The following PLCL1 variants were observed in gnomAD, a reference collection of about 807,000 sequenced individuals.
PLCL1 encodes the protein inactive phospholipase C-like protein 1.
A neutral mutation model predicts 84.4 loss-of-function variants in PLCL1; 41 were observed. The observed-to-expected ratio is 0.49, with a 90% CI of 0.38 to 0.63. The LOEUF (loss-of-function observed/expected upper bound fraction) is 0.63. Among genes scored for constraint, PLCL1 ranks in the 30% least tolerant of loss-of-function variants. The pLI is 0.00. For missense variants in PLCL1, 1,206 were observed against 1,367.8 expected, an observed-to-expected ratio of 0.88 and a Z score of 1.87; for synonymous variants, 490 against 488.3, an observed-to-expected ratio of 1.00 and a Z score of -0.05.
intron 5 of PLCL1, among the ~76,000 whole-genome samples, chr2:198,129,802 G>T (rs754872345): frequency 6.6e-6 from 1 of 151,776 alleles, no homozygotes; most frequent in South Asian, 2.1e-4. Context: ...TATACTTGCC[G>T]AATCCACTTC....
Position 198,099,217 on chromosome 2 carries a change from T to C in PLCL1, c.2920-2068T>C, listed in dbSNP as rs202009051. On this transcript the variant is annotated intron_variant, in intron 3 of 5. Coordinates refer to ENST00000428675, the MANE Select transcript of PLCL1 (RefSeq NM_006226.4). ...CCGGCTCAGGGATTATCTGAGGACA[T>C]CTTCTCACCTTCTCTGCTTGGCTTT... Among the ~76,000 whole-genome samples the C allele has an allele frequency of 2.6e-5, 4 of 152,178 alleles. No individual in the cohort carries two copies. In the East Asian group the frequency reaches 7.8e-4, roughly 30 times the overall value.
intron 1 of PLCL1, among the ~76,000 whole-genome samples, chr2:197,843,399 C>A (rs966840462): frequency 1.3e-5 from 2 of 152,196 alleles, no homozygotes; most frequent in Admixed American, 6.5e-5. Flanking sequence ...CACATATCTT[C>A]TCTTTATAGA....
chr2:198,017,849 T>C (rs1423653238), intron 1 of PLCL1, among the ~76,000 whole-genome samples: 1 of 152,212 alleles, frequency 6.6e-6, no homozygotes, highest in African/African-American at 2.4e-5. Flanking sequence ...TTTAAGTATA[T>C]ATTATATACT....
At chr2:198,066,480 C>T (rs1692322863) in intron 1 of PLCL1, among the ~76,000 whole-genome samples, 1 of 152,152 alleles carries the variant, frequency 6.6e-6, no homozygotes, top group African/African-American at 2.4e-5. Context: ...AATAAATCCA[C>T]TTTTCTCTTG....
intron 1 of PLCL1, among the ~76,000 whole-genome samples, chr2:198,001,609 A>G (rs1426154812): frequency 6.6e-6 from 1 of 152,096 alleles, no homozygotes; most frequent in Non-Finnish European, 1.5e-5. Context: ...TATGTTTGAG[A>G]GGTTGATCCA....
At chr2:197,981,638 G>T (rs1452682904) in intron 1 of PLCL1, among the ~76,000 whole-genome samples, 1 of 152,174 alleles carries the variant, frequency 6.6e-6, no homozygotes, top group African/African-American at 2.4e-5. Context: ...AGACTGTGAT[G>T]GCTAAAGGGA....
At chr2:197,951,551 G>T (rs1222143476) in intron 1 of PLCL1, among the ~76,000 whole-genome samples, 1 of 152,170 alleles carries the variant, frequency 6.6e-6, no homozygotes, top group Non-Finnish European at 1.5e-5. Flanking sequence ...GAGGAAGCCG[G>T]TCTGCAGTGA....
intron 5 of PLCL1, among the ~76,000 whole-genome samples, chr2:198,146,562 C>T (rs1694521228): frequency 6.6e-6 from 1 of 152,080 alleles, no homozygotes. Context: ...AATTGCATAG[C>T]CAGCTGGTCA....
chr2:197,903,442 T>G (rs6760891), intron 1 of PLCL1, among the ~76,000 whole-genome samples: 105,968 of 146,226 alleles, frequency 0.72, 39,526 homozygotes, highest in African/African-American at 0.9. Flanking sequence ...CAAAAATCTA[T>G]GTATCTTCCT....
At chr2:197,998,271 G>A (rs1346152199) in intron 1 of PLCL1, among the ~76,000 whole-genome samples, 4 of 149,778 alleles carry the variant, frequency 2.7e-5, no homozygotes, top group Non-Finnish European at 5.9e-5. Context: ...TGTGTTGAAC[G>A]ATACTGTGGA....
chr2:198,100,731 G>A (rs1301511522), intron 3 of PLCL1, among the ~76,000 whole-genome samples: 1 of 152,026 alleles, frequency 6.6e-6, no homozygotes, highest in African/African-American at 2.4e-5. Flanking sequence ...TAGCTGAGTG[G>A]GACTTCAAGC....
At chr2:197,886,913 T>G (rs2060488) in intron 1 of PLCL1, among the ~76,000 whole-genome samples, 110,830 of 152,132 alleles carry the variant, frequency 0.73, 41,465 homozygotes, top group African/African-American at 0.9. Context: ...CCTTAGGTTT[T>G]TATATTCTGT....
At chr2:198,067,509 C>CT (rs1006068930) in intron 1 of PLCL1, among the ~76,000 whole-genome samples, 21 of 151,920 alleles carry the variant, frequency 1.4e-4, no homozygotes, top group African/African-American at 4.8e-4. Context: ...AGTAACAGTT[C>CT]TTTTTTTTCA....
chr2:197,809,280 T>C (rs1263422371), intron 1 of PLCL1, among the ~76,000 whole-genome samples: 2 of 152,200 alleles, frequency 1.3e-5, no homozygotes, highest in African/African-American at 4.8e-5. Flanking sequence ...AGAGCTACTG[T>C]TAAAATGTGG....
intron 3 of PLCL1, among the ~76,000 whole-genome samples, chr2:198,089,879 A>G (rs141550958): frequency 5.6e-4 from 85 of 152,198 alleles, no homozygotes; most frequent in Non-Finnish European, 2.4e-4. Flanking sequence ...AAGAAAATAT[A>G]GTAAGATATT....
At chr2:198,045,345 T>C (rs1691762365) in intron 1 of PLCL1, among the ~76,000 whole-genome samples, 1 of 152,164 alleles carries the variant, frequency 6.6e-6, no homozygotes, top group Admixed American at 6.5e-5. Flanking sequence ...CCAGTGTTTA[T>C]TCAGTTTCAT....
At chr2:197,981,098 T>G (rs1050358606) in intron 1 of PLCL1, among the ~76,000 whole-genome samples, 1 of 152,238 alleles carries the variant, frequency 6.6e-6, no homozygotes, top group African/African-American at 2.4e-5. Context: ...TCTTAATCAC[T>G]GCAAGTTGCA....
At position 198,148,010 on chromosome 2, in the gene PLCL1, A is replaced by C. The variant is rs1694566591; in HGVS notation, c.*1048A>C. 1 of 152,340 alleles carries C rather than the reference A, an allele frequency of 6.6e-6. No homozygotes were observed. The highest frequency in any genetic ancestry group is 6.5e-5 in the Admixed American group (1 of 15,274). 9.4% of individuals were successfully genotyped at this position (152,340 alleles called of 1,614,324 possible). On this transcript the variant is annotated 3_prime_UTR_variant, in exon 6 of 6. Transcript: ENST00000428675. ...TATCTTTGTGATAATTTAAGAGCTA[A>C]CCAGTTACCACACATCTATGATATA...
chr2:198,082,077 A>G (rs531761480), intron 1 of PLCL1, among the ~76,000 whole-genome samples: 5 of 152,360 alleles, frequency 3.3e-5, no homozygotes, highest in African/African-American at 7.2e-5. Flanking sequence ...ATAGTCCTAC[A>G]GTTACTGGGT....
Sources: allele counts gnomAD v4.1 joint callset (sites outside exome capture counted in the v4.1 genomes callset), GRCh38; gene constraint gnomAD v4.1.1; transcripts MANE v1.5; gene names NCBI Gene and HGNC (gene_info 2026-07-23, HGNC 2026-07-21).